Variants in OARD1 observed in about 807,000 individuals in gnomAD.
OARD1 encodes the protein O-acyl-ADP-ribose deacylase 1.
OARD1 carries 19 observed loss-of-function variants against 19.7 expected under a neutral mutation model. The observed-to-expected ratio is 0.96, with a 90% CI of 0.67 to 1.41. The LOEUF is 1.41. Ranked by LOEUF, OARD1 falls within the 40% of genes most tolerant of loss-of-function variation. The pLI is 0.00. For synonymous variants in OARD1, 70 were observed against 61.8 expected (o/e 1.13, Z -0.62); for missense variants, 190 against 183.8 (o/e 1.03, Z -0.20).
intron 1 of OARD1, among the ~76,000 whole-genome samples, chr6:41,097,017 C>T (rs183659577): frequency 1.3e-5 from 2 of 152,292 alleles, no homozygotes; most frequent in East Asian, 3.9e-4. Flanking sequence ...GACATGGTTT[C>T]TCTGGGTCTT....
chr6:41,097,476 C>CT (rs1764394545), intron 1 of OARD1: 1 of 1,516,982 alleles, frequency 6.6e-7, no homozygotes, highest in Admixed American at 1.7e-5. Context: ...TTGATCAACT[C>CT]TTCCAATGGG....
intron 1 of OARD1, among the ~76,000 whole-genome samples, chr6:41,083,352 T>G (rs1308576848): frequency 6.6e-6 from 1 of 152,190 alleles, no homozygotes; most frequent in Non-Finnish European, 1.5e-5. Flanking sequence ...ATGTGGATAT[T>G]ATAGAGGCCA....
At chr6:41,069,989 C>T (rs754533778) in intron 4 of OARD1, 87 bp downstream of exon 4, 33 of 838,922 alleles carry the variant, frequency 3.9e-5, no homozygotes, top group Non-Finnish European at 6.1e-5. Flanking sequence ...ATGATCAACA[C>T]AAATGCAGTG....
intron 1 of OARD1, among the ~76,000 whole-genome samples, chr6:41,086,945 A>G (rs1005973354): frequency 2.0e-5 from 3 of 152,200 alleles, no homozygotes; most frequent in Non-Finnish European, 1.5e-5. Context: ...TGCTATAGAG[A>G]AGGATATTTT....
intron 1 of OARD1, among the ~76,000 whole-genome samples, chr6:41,090,953 A>T (rs992602168): frequency 6.6e-6 from 1 of 152,254 alleles, no homozygotes; most frequent in Non-Finnish European, 1.5e-5. Flanking sequence ...GCAAATTTGC[A>T]ATATACAGGA....
In OARD1 at chr6:41,067,420, T is replaced by A; in HGVS notation, c.374A>T (p.Asp125Val). 1 of 1,613,150 alleles carries A rather than the reference T, an allele frequency of 6.2e-7. No individual in the cohort carries two copies. The highest frequency in any genetic ancestry group is 8.5e-7 in the Non-Finnish European group (1 of 1,179,222). The change falls in exon 6 of 6, where the codon GAT becomes GTT. Residue 125 changes from aspartate to valine, a missense_variant. Asp to Val is a radical substitution (Grantham distance 152). Transcript: ENST00000424266. ...LSMPRIGCGL[D>V]RLQWENVSAM... ...AGATACATTTTCCCATTGCAGACGA[T>A]CAAGACCACATCCAATCCTGAAAAA...
intron 1 of OARD1, among the ~76,000 whole-genome samples, chr6:41,096,255 C>T (rs1764353034): frequency 6.6e-6 from 1 of 152,198 alleles, no homozygotes; most frequent in African/African-American, 2.4e-5. Context: ...CACACATGAA[C>T]ACTAACAACT....
intron 1 of OARD1, among the ~76,000 whole-genome samples, chr6:41,085,519 T>G (rs1764021658): frequency 6.6e-6 from 1 of 152,178 alleles, no homozygotes; most frequent in South Asian, 2.1e-4. Flanking sequence ...ATGTTTATAG[T>G]CATGGAAAAG....
At chr6:41,077,077 T>C (rs1460281582), upstream of OARD1, among the ~76,000 whole-genome samples, 1 of 152,262 alleles carries the variant, frequency 6.6e-6, no homozygotes, top group Non-Finnish European at 1.5e-5. Context: ...TTAGTCATTA[T>C]GTGCTTCAAG....
chr6:41,070,245 C>A, intron 3 of OARD1, 111 bp from the exon 4 acceptor site: 2 of 691,536 alleles, frequency 2.9e-6, no homozygotes, highest in South Asian at 1.7e-5. Context: ...GAATTTTCAA[C>A]ACTGAAGAAG....
intron 1 of OARD1, chr6:41,083,921 T>G: frequency 1.1e-6 from 1 of 897,338 alleles, no homozygotes; most frequent in Non-Finnish European, 1.6e-6. Flanking sequence ...AGACATATAT[T>G]TTCTTAGTCT....
Position 41,070,068 on chromosome 6 carries a change from C to T in OARD1, c.243+8G>A, listed in dbSNP as rs1280717912. The T allele has an allele frequency of 1.9e-6, 3 of 1,551,436 alleles. No homozygotes were observed. The highest frequency in any genetic ancestry group is 1.8e-6 in the Non-Finnish European group (2 of 1,123,198). On this transcript the variant is annotated splice_region_variant and intron_variant, in intron 4 of 5. Transcript: ENST00000424266. ...CCCTGAAAAAAAAAGGAATTGGCCC[C>T]ATCTTACCAAGTAATATATATATCG...
chr6:41,069,886 A>G (rs1191215907), intron 4 of OARD1, 190 bp downstream of exon 4: 3 of 651,084 alleles, frequency 4.6e-6, no homozygotes, highest in African/African-American at 1.9e-5. Context: ...ATTTCTTTCT[A>G]ACCCAGTGCT....
Position 41,089,392 on chromosome 6 carries a change from G to A in OARD1, c.-42+8321C>T, listed in dbSNP as rs529600638. Among the ~76,000 whole-genome samples the A allele has an allele frequency of 2.6e-5, 4 of 152,256 alleles. No individual in the cohort carries two copies. In the East Asian group the frequency reaches 5.8e-4, roughly 22 times the overall value. On this transcript the variant is annotated intron_variant, in intron 1 of 4. Coordinates refer to the OARD1 transcript ENST00000480585. ...TAATATCAGGTATCCAGACAGTGTCGAAATTCCCTATTTGTTTCATAAATG... is the reference window on the plus strand; with the variant it reads ...TAATATCAGGTATCCAGACAGTGTCAAAATTCCCTATTTGTTTCATAAATG...
intron 3 of OARD1, among the ~76,000 whole-genome samples, chr6:41,070,548 A>C: frequency 6.6e-6 from 1 of 152,264 alleles, no homozygotes; most frequent in East Asian, 1.9e-4. Flanking sequence ...ATATATAAAA[A>C]AGGAATTAAT....
At chr6:41,073,226 G>C (rs1763578218), upstream of OARD1, 1 of 151,448 alleles carries the variant, frequency 6.6e-6, no homozygotes, top group African/African-American at 2.4e-5. Flanking sequence ...CGGGCGGCCA[G>C]CGGCCCCGGC....
upstream of OARD1, among the ~76,000 whole-genome samples, chr6:41,076,807 C>G (rs937623804): frequency 5.3e-5 from 8 of 152,216 alleles, no homozygotes; most frequent in Admixed American, 3.9e-4. Context: ...GTATTGCAGT[C>G]TTGCTAACTG....
At chr6:41,074,472 C>T (rs1176115294), upstream of OARD1, among the ~76,000 whole-genome samples, 1 of 152,196 alleles carries the variant, frequency 6.6e-6, no homozygotes, top group Non-Finnish European at 1.5e-5. Context: ...AGTATCCATG[C>T]GTGAGCTAGC....
chr6:41,095,392 T>C (rs544200968), intron 1 of OARD1, among the ~76,000 whole-genome samples: 2 of 152,332 alleles, frequency 1.3e-5, no homozygotes, highest in Admixed American at 1.3e-4. Flanking sequence ...TCTATCTCCC[T>C]ATCTGTTAGG....
Sources: gnomAD v4.1 joint callset for allele counts (sites outside exome capture counted in the v4.1 genomes callset) on GRCh38, gnomAD v4.1.1 for gene constraint, MANE v1.5 for transcripts, NCBI Gene and HGNC (gene_info 2026-07-23, HGNC 2026-07-21) for gene names.